The following FLT1 variants were observed in gnomAD, a reference collection of about 807,000 sequenced individuals.
The protein encoded by FLT1 is vascular endothelial growth factor receptor 1.
In FLT1, 49 loss-of-function variants were observed where a neutral mutation model predicts 156.3. The ratio of observed to expected loss-of-function variants is 0.31; its 90% confidence interval spans 0.25 to 0.40. The LOEUF (loss-of-function observed/expected upper bound fraction) is 0.40, where lower values mean the gene tolerates loss of function less well. FLT1 is among the 10% of genes least tolerant of loss of function. The pLI is 1.00. For missense variants in FLT1, 1,322 were observed against 1,637.2 expected, an observed-to-expected ratio of 0.81 and a Z score of 3.32; for synonymous variants, 594 against 583.8, an observed-to-expected ratio of 1.02 and a Z score of -0.25.
chr13:28,343,564 G>A (rs186681111), intron 16 of FLT1, among the ~76,000 whole-genome samples: 221 of 151,812 alleles, frequency 1.5e-3, no homozygotes, highest in African/African-American at 4.7e-3. Context: ...AGTGCCAGGC[G>A]TCCCAAAGTG....
intron 3 of FLT1, among the ~76,000 whole-genome samples, chr13:28,444,770 T>C (rs891359245): frequency 6.6e-6 from 1 of 151,994 alleles, no homozygotes; most frequent in Non-Finnish European, 1.5e-5. Context: ...AAATAATCAA[T>C]GGGTCAAAGA....
chr13:28,388,574 CAA>C (rs1259579243), intron 13 of FLT1: 5 of 1,052,150 alleles, frequency 4.8e-6, no homozygotes, highest in South Asian at 4.6e-5. Context: ...AAGCTTAAAA[CAA>C]GAGATTACAA....
intron 10 of FLT1, among the ~76,000 whole-genome samples, chr13:28,419,353 GT>G (rs967274770): frequency 8.5e-5 from 13 of 152,148 alleles, no homozygotes; most frequent in African/African-American, 3.1e-4. Context: ...AGAAGTGCAT[GT>G]TTTATAAGTG....
intron 1 of FLT1, among the ~76,000 whole-genome samples, chr13:28,487,415 G>T (rs562369396): frequency 6.6e-6 from 1 of 152,334 alleles, no homozygotes; most frequent in South Asian, 2.1e-4. Flanking sequence ...TTTAACAAAA[G>T]AATCTGATAA....
At chr13:28,310,207 A>G (rs758265924) in intron 27 of FLT1, among the ~76,000 whole-genome samples, 1 of 151,964 alleles carries the variant, frequency 6.6e-6, no homozygotes, top group Non-Finnish European at 1.5e-5. Flanking sequence ...GTATTTTCTG[A>G]CTGCTGCAGC....
Position 28,427,736 on chromosome 13 carries a change from T to C in FLT1, c.1276+16A>G, listed in dbSNP as rs1449230243. ...TGCCTACCAGAACCAGAAGAAAGTA[T>C]GAACAGCAAACTTACCATTGACAAT... On this transcript the variant is annotated intron_variant, in intron 9 of 29. Coordinates refer to ENST00000282397, the MANE Select transcript of FLT1 (RefSeq NM_002019.4). The C allele has an allele frequency of 3.7e-6, 6 of 1,611,674 alleles. No individual in the cohort carries two copies. The highest frequency in any genetic ancestry group is 4.5e-5 in the East Asian group (2 of 44,860).
intron 27 of FLT1, 98 bp downstream of exon 27, chr13:28,311,488 CTCTT>C (rs897786897): frequency 1.5e-4 from 156 of 1,006,676 alleles, no homozygotes; most frequent in Admixed American, 6.8e-4. Flanking sequence ...CTTTCTTTCT[CTCTT>C]TCTTTCTCTC....
At chr13:28,315,662 G>A (rs961509907) in intron 25 of FLT1, among the ~76,000 whole-genome samples, 2 of 152,188 alleles carry the variant, frequency 1.3e-5, no homozygotes, top group Admixed American at 1.3e-4. Context: ...TTATTTTGAT[G>A]TAAAAATATT....
chr13:28,494,721 TGCCCTCCGGCCGCCCCATCGCAGCCC>T, intron 1 of FLT1, 33 bp downstream of exon 1: 2 of 1,378,284 alleles, frequency 1.5e-6, no homozygotes, highest in Admixed American at 4.0e-5. Flanking sequence ...TCGGAGGCTC[TGCCCTCCGGCCGCCCCATCGCAGCCC>T]GCCTCAGGCC....
intron 14 of FLT1, among the ~76,000 whole-genome samples, chr13:28,372,573 T>C (rs1444125722): frequency 1.2e-3 from 26 of 21,260 alleles, no homozygotes; most frequent in South Asian, 4.2e-3. Context: ...AATGTATATA[T>C]ATATATATAT....
chr13:28,384,823 A>T (rs1874256352), intron 14 of FLT1, 62 bp downstream of exon 14: 1 of 1,522,018 alleles, frequency 6.6e-7, no homozygotes, highest in African/African-American at 1.4e-5. Context: ...CGGGACTGTT[A>T]AGGGAAAGGG....
Position 28,322,783 on chromosome 13 carries a change from T to C in FLT1, c.2953+7A>G, listed in dbSNP as rs1370226787. 14 of 1,612,436 alleles carry C rather than the reference T, an allele frequency of 8.7e-6. No homozygotes were observed. The highest frequency in any genetic ancestry group is 1.1e-5 in the Non-Finnish European group (13 of 1,179,006). On this transcript the variant is annotated splice_region_variant and intron_variant, in intron 21 of 29. Coordinates refer to ENST00000282397, the MANE Select transcript of FLT1 (RefSeq NM_002019.4). This position sits in a 1 kb window ranked among gnomAD's most constrained non-coding sequence, Gnocchi z 4.3. ...AGCGCGTAGGACAGGAAGGAATTAA[T>C]ACCTACCCTCCTCTTCCTCAACATC...
chr13:28,441,714 G>C lies in FLT1; in HGVS notation c.389-3369C>G, dbSNP rs560287199. Reference sequence around the variant, plus strand: ...TCAGCACTTTGGGAGGCTGAGGCAGGAGGATCACTTGAGGCCAAGAGTTTG... The same window carrying C: ...TCAGCACTTTGGGAGGCTGAGGCAGCAGGATCACTTGAGGCCAAGAGTTTG... On this transcript the variant is annotated intron_variant, in intron 3 of 29. Transcript: ENST00000282397. Among the ~76,000 whole-genome samples the C allele has an allele frequency of 9.2e-5, 14 of 152,302 alleles. No individual in the cohort carries two copies. In the South Asian group the frequency reaches 2.7e-3, roughly 29 times the overall value.
intron 1 of FLT1, among the ~76,000 whole-genome samples, chr13:28,491,305 G>C (rs1881460024): frequency 6.6e-6 from 1 of 152,130 alleles, no homozygotes; most frequent in African/African-American, 2.4e-5. Flanking sequence ...TTTTAAATAA[G>C]GGGTTTAGTA....
In FLT1 at chr13:28,412,381, T is replaced by TTTCTTTCCTTCTTTCTTTCC. The variant is rs1555236530; in HGVS notation, c.1437-6488_1437-6487insGGAAAGAAAGAAGGAAAGAA. On this transcript the variant is annotated intron_variant, in intron 10 of 29. Coordinates refer to ENST00000282397, the MANE Select transcript of FLT1 (RefSeq NM_002019.4). ...CTTTCTTTCTTTCTTTCTTTCTTTCTTTCTTTCTTTCTTTCTTTCTTTCTT... is the reference window on the plus strand; with the variant it reads ...CTTTCTTTCTTTCTTTCTTTCTTTCTTTCTTTCCTTCTTTCTTTCCTTCTTTCTTTCTTTCTTTCTTTCTT... Among the ~76,000 whole-genome samples, 46 of 88,302 alleles carry TTTCTTTCCTTCTTTCTTTCC rather than the reference T, an allele frequency of 5.2e-4. 2 individuals carry two copies. The highest frequency in any genetic ancestry group is 1.7e-3 in the African/African-American group (44 of 26,542). 57.9% of individuals were successfully genotyped at this position (88,302 alleles called of 152,430 possible). A position where few individuals can be genotyped will look rare whatever the true frequency, so the allele number is the denominator to read the frequency against.
At position 28,342,074 on chromosome 13, in the gene FLT1, G is replaced by T. The variant is rs564296583; in HGVS notation, c.2356-2774C>A. 8.5e-5 allele frequency among the ~76,000 whole-genome samples: 13 copies of T among 152,154 alleles called. No individual in the cohort carries two copies. The East Asian group carries it at 2.5e-3, about 29-fold the overall frequency. On this transcript the variant is annotated intron_variant, in intron 16 of 29. Coordinates refer to ENST00000282397, the MANE Select transcript of FLT1 (RefSeq NM_002019.4). ...ATTTTTGTATTCTTAGTAGAGACAG[G>T]GTTTCACCATGTTGGCCAGGCTGGT...
chr13:28,460,933 A>G (rs1423247553), intron 3 of FLT1, among the ~76,000 whole-genome samples: 1 of 151,880 alleles, frequency 6.6e-6, no homozygotes, highest in African/African-American at 2.4e-5. Flanking sequence ...ACTCTTTGCA[A>G]TTTACTTGGA....
intron 15 of FLT1, among the ~76,000 whole-genome samples, chr13:28,352,919 T>A (rs1669151255): frequency 6.6e-6 from 1 of 152,174 alleles, no homozygotes; most frequent in African/African-American, 2.4e-5. Context: ...TGAAAACTGA[T>A]AGCTGGCCAA....
chr13:28,449,518 CAT>C (rs1382021857), intron 3 of FLT1, among the ~76,000 whole-genome samples: 2 of 152,136 alleles, frequency 1.3e-5, no homozygotes, highest in Admixed American at 6.5e-5. Flanking sequence ...TTGGTGGATT[CAT>C]ATACAAATTC....
Sources: gnomAD v4.1 joint callset for allele counts (sites outside exome capture counted in the v4.1 genomes callset) on GRCh38, gnomAD v4.1.1 for gene constraint, Gnocchi (gnomAD v3.1) non-coding constraint, MANE v1.5 for transcripts, NCBI Gene and HGNC (gene_info 2026-07-23, HGNC 2026-07-21) for gene names.